The following CDH13 variants were observed in gnomAD, a reference collection of about 807,000 sequenced individuals.
CDH13 encodes cadherin 13.
A neutral mutation model predicts 63.8 loss-of-function variants in CDH13; 24 were observed. The observed-to-expected ratio is 0.38, with a 90% CI of 0.27 to 0.53. The LOEUF (loss-of-function observed/expected upper bound fraction) is 0.53, where lower values mean the gene tolerates loss of function less well. CDH13 is among the 20% of genes least tolerant of loss of function. CDH13 has a pLI of 0.85. For synonymous variants in CDH13, 503 were observed against 355.3 expected (o/e 1.42, Z -4.67); for missense variants, 1,049 against 903.1 (o/e 1.16, Z -2.07).
chr16:82,710,465 G>A (rs1411981755), intron 1 of CDH13, among the ~76,000 whole-genome samples: 7 of 139,624 alleles, frequency 5.0e-5, no homozygotes, highest in South Asian at 2.2e-4. Flanking sequence ...CCAGGAGGGC[G>A]GAGCTTGCAG....
At chr16:83,168,304 G>A (rs535641464) in intron 4 of CDH13, among the ~76,000 whole-genome samples, 4 of 151,974 alleles carry the variant, frequency 2.6e-5, no homozygotes, top group Non-Finnish European at 5.9e-5. Context: ...CCAATGGACG[G>A]TGCCATCCAT....
intron 7 of CDH13, among the ~76,000 whole-genome samples, chr16:83,511,988 A>C (rs2074577259): frequency 6.6e-6 from 1 of 152,130 alleles, no homozygotes; most frequent in Admixed American, 6.6e-5. Flanking sequence ...AGTCCTCAGT[A>C]AGTGTTAGCT....
At chr16:83,738,253 A>G (rs1235084085) in intron 10 of CDH13, among the ~76,000 whole-genome samples, 2 of 152,206 alleles carry the variant, frequency 1.3e-5, no homozygotes, top group Non-Finnish European at 2.9e-5. Flanking sequence ...TCCCAACACC[A>G]AGCGCGGTGC....
At chr16:83,329,809 A>G (rs762273803) in intron 5 of CDH13, among the ~76,000 whole-genome samples, 8 of 152,226 alleles carry the variant, frequency 5.3e-5, no homozygotes, top group Non-Finnish European at 7.3e-5. Flanking sequence ...ATTTCAGTTA[A>G]TATAATGTCT....
chr16:82,817,615 C>A (rs200489689), intron 1 of CDH13, among the ~76,000 whole-genome samples: 1 of 152,002 alleles, frequency 6.6e-6, no homozygotes, highest in African/African-American at 2.4e-5. Flanking sequence ...ACCAGCCTGG[C>A]CAAAATGATG....
At chr16:82,746,431 GAA>G (rs1220322179) in intron 1 of CDH13, among the ~76,000 whole-genome samples, 1 of 151,940 alleles carries the variant, frequency 6.6e-6, no homozygotes, top group African/African-American at 2.4e-5. Context: ...TACTGGCAGG[GAA>G]ATAGATTCCA....
intron 8 of CDH13, among the ~76,000 whole-genome samples, chr16:83,634,028 A>G (rs1187224427): frequency 1.3e-5 from 2 of 152,144 alleles, no homozygotes; most frequent in Non-Finnish European, 2.9e-5. Context: ...CTATAACTGT[A>G]GTGCAACAAT....
At chr16:83,505,612 C>T (rs946692864) in intron 7 of CDH13, among the ~76,000 whole-genome samples, 1 of 140,502 alleles carries the variant, frequency 7.1e-6, no homozygotes, top group Non-Finnish European at 1.5e-5. Context: ...GGTGGAATCT[C>T]GGCTCGCCAC....
At chr16:83,451,240 G>A (rs1437244113) in intron 6 of CDH13, among the ~76,000 whole-genome samples, 1 of 152,112 alleles carries the variant, frequency 6.6e-6, no homozygotes, top group Non-Finnish European at 1.5e-5. Flanking sequence ...CACATGGCTG[G>A]GGAGGCCTCA....
chr16:82,953,106 T>G (rs899242475), intron 2 of CDH13: 1 of 152,348 alleles, frequency 6.6e-6, no homozygotes, highest in South Asian at 2.1e-4. Flanking sequence ...TTTTTCCTCA[T>G]AGACTATGAT....
Position 82,856,477 on chromosome 16 carries a change from G to C in CDH13, c.46-1885G>C, listed in dbSNP as rs578005594. On this transcript the variant is annotated intron_variant, in intron 1 of 13. Transcript: ENST00000567109. ...GGCACTTTGGGAAGTCGAGGTGGGT[G>C]GATCACTTAAGCTCAGGAGTTTGAG... Among the ~76,000 whole-genome samples the C allele has an allele frequency of 2.0e-5, 3 of 151,416 alleles. No individual in the cohort carries two copies. In the South Asian group the frequency reaches 6.2e-4, roughly 31 times the overall value.
At chr16:82,941,344 G>T (rs1567680006) in intron 2 of CDH13, among the ~76,000 whole-genome samples, 2 of 152,176 alleles carry the variant, frequency 1.3e-5, no homozygotes, top group Admixed American at 1.3e-4. Context: ...CCAAAACCCT[G>T]TTCTGTGCCT....
intron 9 of CDH13, 126 bp downstream of exon 9, chr16:83,671,098 T>A: frequency 1.2e-6 from 1 of 820,740 alleles, no homozygotes; most frequent in Non-Finnish European, 1.9e-6. Flanking sequence ...TTCTGGGAAT[T>A]AACAAAGGAA....
intron 1 of CDH13, among the ~76,000 whole-genome samples, chr16:82,843,696 T>C (rs79289039): frequency 0.013 from 2,033 of 152,356 alleles, 42 homozygotes; most frequent in Admixed American, 0.021. Context: ...TCCCATGTGA[T>C]GACAAATCTG....
chr16:83,737,365 C>G (rs1911635337), intron 10 of CDH13, among the ~76,000 whole-genome samples: 1 of 152,154 alleles, frequency 6.6e-6, no homozygotes, highest in South Asian at 2.1e-4. Flanking sequence ...ACAGTTTAAG[C>G]CAATATTGTT....
rs370110417 is a variant in CDH13, at chr16:83,059,777, G to GTT, written c.366+27569_366+27570dup. On this transcript the variant is annotated intron_variant, in intron 3 of 13. Coordinates refer to ENST00000567109, the MANE Select transcript of CDH13 (RefSeq NM_001257.5). ...TTTCTTAATCCAGACTTTTGCCTTT[G>GTT]TTTTTTTTTTTGTTTGTTTTTTTTT... Among the ~76,000 whole-genome samples, 5 of 105,952 alleles carry GTT rather than the reference G, an allele frequency of 4.7e-5. No individual in the cohort carries two copies. In the East Asian group the frequency reaches 1.4e-3, roughly 29 times the overall value. 69.5% of individuals were successfully genotyped at this position (105,952 alleles called of 152,430 possible).
At chr16:83,053,763 C>T (rs541187678) in intron 3 of CDH13, among the ~76,000 whole-genome samples, 1 of 152,100 alleles carries the variant, frequency 6.6e-6, no homozygotes, top group South Asian at 2.1e-4. Flanking sequence ...AACTATACAG[C>T]AGGCAGATAT....
chr16:83,617,630 A>G (rs1909405245), intron 8 of CDH13, among the ~76,000 whole-genome samples: 1 of 151,438 alleles, frequency 6.6e-6, no homozygotes, highest in African/African-American at 2.4e-5. Context: ...CACATATTCT[A>G]ATATATATTT....
intron 6 of CDH13, among the ~76,000 whole-genome samples, chr16:83,455,734 G>A (rs2073007855): frequency 6.6e-6 from 1 of 152,214 alleles, no homozygotes; most frequent in African/African-American, 2.4e-5. Flanking sequence ...CTGGACAACT[G>A]TTCCTGCTTT....
Sources: allele counts gnomAD v4.1 joint callset (sites outside exome capture counted in the v4.1 genomes callset), GRCh38; gene constraint gnomAD v4.1.1; transcripts MANE v1.5; gene names NCBI Gene and HGNC (gene_info 2026-07-23, HGNC 2026-07-21).